DPP9: variants seen among roughly 807,000 people sequenced by gnomAD.
The protein encoded by DPP9 is dipeptidyl peptidase IV-related protein-2.
DPP9 carries 50 observed loss-of-function variants against 110.7 expected under a neutral mutation model. That is an observed-to-expected ratio of 0.45 (90% confidence interval 0.36 to 0.57). The LOEUF is 0.57. Ranked by LOEUF, DPP9 falls within the 20% of genes least tolerant of loss-of-function variation. The pLI is 0.00. For missense variants in DPP9, 1,022 were observed against 1,217.9 expected, an observed-to-expected ratio of 0.84 and a Z score of 2.39; for synonymous variants, 561 against 514.4, an observed-to-expected ratio of 1.09 and a Z score of -1.23.
chr19:4,680,656 TAA>T (rs531015203), intron 20 of DPP9, among the ~76,000 whole-genome samples: 35 of 127,280 alleles, frequency 2.7e-4, no homozygotes, highest in Admixed American at 4.1e-4. Flanking sequence ...GAGCTATGAT[TAA>T]AAAAAAAAAA....
intron 4 of DPP9, among the ~76,000 whole-genome samples, chr19:4,708,843 A>G (rs2092704727): frequency 6.6e-6 from 1 of 152,222 alleles, no homozygotes; most frequent in Non-Finnish European, 1.5e-5. Context: ...AGCCTGGGTG[A>G]TGAAATAATT....
Position 4,685,269 on chromosome 19 carries a change from C to T in DPP9, c.2031+357G>A, listed in dbSNP as rs1168869557. The stretch of plus-strand genomic sequence containing the variant: ...TGTGCGCCTAAGATGGTCCAACTGC[C>T]AATCTGCTGCCTGCTTTTGACCCCT... On this transcript the variant is annotated intron_variant, in intron 17 of 21. Coordinates refer to ENST00000262960, the MANE Select transcript of DPP9 (RefSeq NM_139159.5). The surrounding 1 kb of genome is among the most constrained non-coding windows in gnomAD (Gnocchi z 5.8). 1 of 533,412 alleles carries T rather than the reference C, an allele frequency of 1.9e-6. No individual in the cohort carries two copies. The highest frequency in any genetic ancestry group is 1.5e-5 in the South Asian group (1 of 65,234). 33.0% of individuals were successfully genotyped at this position (533,412 alleles called of 1,614,324 possible).
chr19:4,701,433 A>T (rs922378630), intron 9 of DPP9, among the ~76,000 whole-genome samples: 1 of 152,096 alleles, frequency 6.6e-6, no homozygotes, highest in African/African-American at 2.4e-5. Flanking sequence ...GCACCACTGT[A>T]CTCCTGCCTG....
At position 4,723,449 on chromosome 19, in the gene DPP9, C is replaced by A. The variant is rs901663411; in HGVS notation, c.-89+225G>T. On this transcript the variant is annotated intron_variant, in intron 1 of 21. Transcript: ENST00000262960. The stretch of plus-strand genomic sequence containing the variant: ...GGGAAGGGGAGAAACTGGGAGGTGG[C>A]CTGGCCAGCGCAGGAATCGGGGAGG... Among the ~76,000 whole-genome samples, 3 of 152,062 alleles carry A rather than the reference C, an allele frequency of 2.0e-5. No individual in the cohort carries two copies. The East Asian group carries it at 5.8e-4, about 29-fold the overall frequency.
chr19:4,708,978 T>G (rs1227044123), intron 4 of DPP9, among the ~76,000 whole-genome samples: 2 of 152,158 alleles, frequency 1.3e-5, no homozygotes, highest in Non-Finnish European at 2.9e-5. Flanking sequence ...AGTGCAATGG[T>G]GCAATCTTGG....
In DPP9 at chr19:4,710,084, C is replaced by A. The variant is rs570855739; in HGVS notation, c.313+3997G>T. On this transcript the variant is annotated intron_variant, in intron 4 of 21. Transcript: ENST00000262960. This position sits in a 1 kb window ranked among gnomAD's most constrained non-coding sequence, Gnocchi z 5.6. ...GCCAAGGGCTGTGGATTTCTGCTGC[C>A]CCATCCCTCCTCGGACCTCCCTCAC... is the stretch of plus-strand genomic sequence containing the variant. Among the ~76,000 whole-genome samples, 1 of 152,206 alleles carries A rather than the reference C, an allele frequency of 6.6e-6. No individual in the cohort carries two copies. The highest frequency in any genetic ancestry group is 1.5e-5 in the Non-Finnish European group (1 of 68,024).
chr19:4,684,785 T>C lies in DPP9; in HGVS notation c.2056A>G (p.Lys686Glu). The C allele has an allele frequency of 6.3e-7, 1 of 1,599,554 alleles. No homozygotes were observed. Among genetic ancestry groups the C allele is most frequent in the Non-Finnish European group, 8.5e-7 (1 of 1,173,668 alleles). The stretch of plus-strand genomic sequence containing the variant: ...TTGAGCCGCAAGTACTTGATGCCTT[T>C]GAAGGAGTTATTCACCAGCTGCACC... ...PQVQLVNNSF[K>E]GIKYLRLNTL... Residue 686 changes from lysine to glutamate, a missense_variant, in exon 18 of 22, where the codon AAA becomes GAA. By Grantham distance (56) the Lys-to-Glu change is moderately conservative. Coordinates refer to ENST00000262960, the MANE Select transcript of DPP9 (RefSeq NM_139159.5). This position sits in a 1 kb window ranked among gnomAD's most constrained non-coding sequence, Gnocchi z 4.8.
Position 4,700,400 on chromosome 19 carries a change from G to A in DPP9, c.1013-123C>T, listed in dbSNP as rs2277734. On this transcript the variant is annotated intron_variant, in intron 9 of 21. Coordinates refer to ENST00000262960, the MANE Select transcript of DPP9 (RefSeq NM_139159.5). The surrounding 1 kb of genome is among the most constrained non-coding windows in gnomAD (Gnocchi z 4.3). ...GAGGTGTACAATTGGAGTGGGGGAGGCAGGAGAAGCCAGGTGTCCCACGGT... is the reference window on the plus strand; with the variant it reads ...GAGGTGTACAATTGGAGTGGGGGAGACAGGAGAAGCCAGGTGTCCCACGGT... 0.092 allele frequency: 59,318 copies of A among 645,456 alleles called. 3,444 individuals are homozygous for A. Among genetic ancestry groups the A allele is most frequent in the African/African-American group, 0.22 (11,705 of 53,560 alleles). The allele number at this position is 645,456 out of a possible 1,614,324, so 40.0% of individuals were successfully genotyped here. A position where few individuals can be genotyped will look rare whatever the true frequency, so the allele number is the denominator to read the frequency against.
At chr19:4,677,425 C>T (rs1216956184) in intron 21 of DPP9, among the ~76,000 whole-genome samples, 1 of 152,170 alleles carries the variant, frequency 6.6e-6, no homozygotes, top group Non-Finnish European at 1.5e-5. Flanking sequence ...TCTACGCCAC[C>T]TCCTGCCAGT....
Position 4,698,420 on chromosome 19 carries a change from AG to A in DPP9, c.1075-770del, listed in dbSNP as rs2091975114. Reference sequence around the variant, plus strand: ...GATTGGCATCACCCCAGCCCACCTAAGGACTCTGCACGTCTGAGAGTGCAAG... The same window carrying A: ...GATTGGCATCACCCCAGCCCACCTAAGACTCTGCACGTCTGAGAGTGCAAG... On this transcript the variant is annotated intron_variant, in intron 10 of 21. Coordinates refer to ENST00000262960, the MANE Select transcript of DPP9 (RefSeq NM_139159.5). This position sits in a 1 kb window ranked among gnomAD's most constrained non-coding sequence, Gnocchi z 4.2. Among the ~76,000 whole-genome samples, 1 of 152,142 alleles carries A rather than the reference AG, an allele frequency of 6.6e-6. No individual in the cohort carries two copies. Among genetic ancestry groups the A allele is most frequent in the Non-Finnish European group, 1.5e-5 (1 of 68,028 alleles).
intron 2 of DPP9, among the ~76,000 whole-genome samples, chr19:4,721,601 T>G (rs994132894): frequency 5.3e-5 from 8 of 152,202 alleles, no homozygotes; most frequent in Non-Finnish European, 8.8e-5. Flanking sequence ...GCCAACATGG[T>G]GAAACTCCAG....
chr19:4,679,109 G>A (rs1001442408), intron 21 of DPP9, among the ~76,000 whole-genome samples: 4 of 81,292 alleles, frequency 4.9e-5, no homozygotes, highest in Admixed American at 1.7e-4. Context: ...CCTCCTCACC[G>A]CTGAGGCGCT....
At chr19:4,678,994 G>C (rs2089341471) in intron 21 of DPP9, among the ~76,000 whole-genome samples, 1 of 151,912 alleles carries the variant, frequency 6.6e-6, no homozygotes, top group East Asian at 1.9e-4. Context: ...ACCCTCAGTT[G>C]AAAATCCAGC....
intron 11 of DPP9, among the ~76,000 whole-genome samples, chr19:4,696,121 GAAC>G (rs1197707266): frequency 6.6e-6 from 1 of 152,034 alleles, no homozygotes; most frequent in East Asian, 1.9e-4. Flanking sequence ...GGCTAGTCTC[GAAC>G]TCCTGACCTC....
At chr19:4,692,791 T>C (rs2145565042) in intron 13 of DPP9, among the ~76,000 whole-genome samples, 1 of 152,244 alleles carries the variant, frequency 6.6e-6, no homozygotes, top group Middle Eastern at 3.4e-3. Flanking sequence ...TGGCGGTGGC[T>C]GAGCCAGCCA....
chr19:4,691,158 T>G (rs1016713858), intron 13 of DPP9, among the ~76,000 whole-genome samples: 1 of 152,078 alleles, frequency 6.6e-6, no homozygotes, highest in Non-Finnish European at 1.5e-5. Context: ...GTTCCTGCCA[T>G]GTGGATGGCA....
chr19:4,683,144 G>A, intron 19 of DPP9: 1 of 1,454,768 alleles, frequency 6.9e-7, no homozygotes, highest in Admixed American at 2.2e-5. Flanking sequence ...TGCCCTGACT[G>A]CCGCCGGCCT....
chr19:4,706,654 A>G (rs1385218120), intron 4 of DPP9, among the ~76,000 whole-genome samples: 1 of 152,182 alleles, frequency 6.6e-6, no homozygotes, highest in East Asian at 1.9e-4. Flanking sequence ...CATCTCTACT[A>G]AAAACACAAA....
At chr19:4,721,751 A>G (rs1182839658) in intron 2 of DPP9, among the ~76,000 whole-genome samples, 1 of 152,222 alleles carries the variant, frequency 6.6e-6, no homozygotes, top group Non-Finnish European at 1.5e-5. Flanking sequence ...ATTGCACTCC[A>G]GGGGTGACAG....
Sources: allele counts gnomAD v4.1 joint callset (sites outside exome capture counted in the v4.1 genomes callset), GRCh38; gene constraint gnomAD v4.1.1; non-coding constraint Gnocchi (gnomAD v3.1); transcripts MANE v1.5; gene names NCBI Gene and HGNC (gene_info 2026-07-23, HGNC 2026-07-21).